Variants in SLC35F3 observed in about 807,000 individuals in gnomAD.
SLC35F3 encodes the protein putative thiamine transporter SLC35F3.
Under a neutral mutation model 49.9 loss-of-function variants are expected in SLC35F3, and 25 were observed. That is an observed-to-expected ratio of 0.50 (90% CI 0.37 to 0.70). The LOEUF (loss-of-function observed/expected upper bound fraction) is 0.70. SLC35F3 is among the 30% of genes least tolerant of loss of function. SLC35F3 has a pLI of 0.00. For synonymous variants in SLC35F3, 275 were observed against 265.4 expected, an observed-to-expected ratio of 1.04 and a Z score of -0.35; for missense variants, 525 against 639.8, an observed-to-expected ratio of 0.82 and a Z score of 1.94.
At chr1:234,244,129 A>G (rs1272828188) in intron 3 of SLC35F3, among the ~76,000 whole-genome samples, 1 of 152,196 alleles carries the variant, frequency 6.6e-6, no homozygotes, top group African/African-American at 2.4e-5. Flanking sequence ...ATCTCTCCCC[A>G]CAAGCTCAGA....
intron 3 of SLC35F3, among the ~76,000 whole-genome samples, chr1:234,258,884 T>A (rs570395258): frequency 6.6e-6 from 1 of 152,288 alleles, no homozygotes; most frequent in African/African-American, 2.4e-5. Flanking sequence ...ATCCAACTAG[T>A]GGAAATAAAA....
chr1:234,110,909 T>C (rs1200515441), intron 2 of SLC35F3, among the ~76,000 whole-genome samples: 1 of 152,200 alleles, frequency 6.6e-6, no homozygotes, highest in Non-Finnish European at 1.5e-5. Flanking sequence ...ATCCACATTA[T>C]GGAATTGTGT....
At chr1:234,147,235 T>G (rs1193707957) in intron 2 of SLC35F3, among the ~76,000 whole-genome samples, 1 of 133,162 alleles carries the variant, frequency 7.5e-6, no homozygotes, top group African/African-American at 3.6e-5. Context: ...ATTTTCTTTT[T>G]TTTTTTTTTT....
chr1:234,290,302 G>A (rs1479761069), intron 3 of SLC35F3, among the ~76,000 whole-genome samples: 1 of 151,962 alleles, frequency 6.6e-6, no homozygotes, highest in Non-Finnish European at 1.5e-5. Context: ...TTGTTTTAAA[G>A]AATAATCACA....
At chr1:234,303,175 T>C (rs1668720163) in intron 3 of SLC35F3, among the ~76,000 whole-genome samples, 2 of 152,218 alleles carry the variant, frequency 1.3e-5, no homozygotes, top group Non-Finnish European at 2.9e-5. Flanking sequence ...AGCACACATA[T>C]ATTGTTCACT....
At chr1:234,222,829 A>C (rs1299067443) in intron 2 of SLC35F3, among the ~76,000 whole-genome samples, 1 of 152,244 alleles carries the variant, frequency 6.6e-6, no homozygotes, top group Non-Finnish European at 1.5e-5. Context: ...AGGAGTATGC[A>C]TATTTGTCTG....
chr1:234,019,783 A>C (rs1488085714), intron 2 of SLC35F3, among the ~76,000 whole-genome samples: 1 of 152,212 alleles, frequency 6.6e-6, no homozygotes, highest in Admixed American at 6.5e-5. Context: ...CAGACTCAAC[A>C]TCTCTGGCGC....
At chr1:233,985,992 G>A (rs182627435) in intron 2 of SLC35F3, among the ~76,000 whole-genome samples, 48 of 152,268 alleles carry the variant, frequency 3.2e-4, no homozygotes, top group African/African-American at 1.1e-3. Flanking sequence ...TGCTTTTACT[G>A]CTTCCTAGCT....
intron 2 of SLC35F3, among the ~76,000 whole-genome samples, chr1:234,028,751 G>A (rs965954751): frequency 6.6e-6 from 1 of 152,186 alleles, no homozygotes; most frequent in Non-Finnish European, 1.5e-5. Context: ...TGTAGAAAGT[G>A]GCATCTCTTC....
intron 2 of SLC35F3, among the ~76,000 whole-genome samples, chr1:234,148,444 C>G (rs1429749774): frequency 6.6e-6 from 1 of 152,202 alleles, no homozygotes; most frequent in Non-Finnish European, 1.5e-5. Flanking sequence ...CATTATGAAA[C>G]CCTGTTCAAC....
chr1:234,099,146 A>G (rs1665176504), intron 2 of SLC35F3, among the ~76,000 whole-genome samples: 1 of 152,102 alleles, frequency 6.6e-6, no homozygotes, highest in South Asian at 2.1e-4. Flanking sequence ...AAAGGCAGAA[A>G]TCATATCATA....
At chr1:233,953,282 T>A (rs1286243889) in intron 2 of SLC35F3, among the ~76,000 whole-genome samples, 1 of 152,144 alleles carries the variant, frequency 6.6e-6, no homozygotes, top group Non-Finnish European at 1.5e-5. Context: ...TTACATTTGA[T>A]AGAGGAAAAA....
At chr1:234,219,943 A>T (rs1252346128) in intron 2 of SLC35F3, among the ~76,000 whole-genome samples, 1 of 152,234 alleles carries the variant, frequency 6.6e-6, no homozygotes, top group Non-Finnish European at 1.5e-5. Flanking sequence ...GAGCTAGGAG[A>T]GGGTGGCGCT....
chr1:234,237,869 G>A (rs1482048013), intron 3 of SLC35F3, among the ~76,000 whole-genome samples: 1 of 151,982 alleles, frequency 6.6e-6, no homozygotes, highest in Non-Finnish European at 1.5e-5. Flanking sequence ...TATTGTTATT[G>A]TATTAAATAA....
chr1:234,117,454 T>C (rs1665503940), intron 2 of SLC35F3, among the ~76,000 whole-genome samples: 1 of 151,990 alleles, frequency 6.6e-6, no homozygotes, highest in Non-Finnish European at 1.5e-5. Flanking sequence ...TAGCTGGGTA[T>C]GGTGGCACAC....
At chr1:234,235,331 T>G (rs1558268956) in intron 3 of SLC35F3, among the ~76,000 whole-genome samples, 1 of 152,224 alleles carries the variant, frequency 6.6e-6, no homozygotes, top group Non-Finnish European at 1.5e-5. Context: ...GAAGCAATAG[T>G]GCCCAGAACT....
intron 2 of SLC35F3, among the ~76,000 whole-genome samples, chr1:233,953,568 C>A (rs1224259178): frequency 6.6e-6 from 1 of 152,222 alleles, no homozygotes; most frequent in Non-Finnish European, 1.5e-5. Flanking sequence ...CGTCATAGCT[C>A]TGTTGGCACA....
At chr1:234,035,289 C>T (rs956335056) in intron 2 of SLC35F3, among the ~76,000 whole-genome samples, 3 of 152,048 alleles carry the variant, frequency 2.0e-5, no homozygotes, top group Non-Finnish European at 4.4e-5. Context: ...AAATAATGAT[C>T]CTAGAGAATT....
chr1:234,288,683 C>T (rs1332238648), intron 3 of SLC35F3, among the ~76,000 whole-genome samples: 1 of 152,222 alleles, frequency 6.6e-6, no homozygotes, highest in African/African-American at 2.4e-5. Flanking sequence ...CCTGCTACCA[C>T]CACAGTTTCA....
Sources: allele counts gnomAD v4.1 joint callset (sites outside exome capture counted in the v4.1 genomes callset), GRCh38; gene constraint gnomAD v4.1.1; transcripts MANE v1.5; gene names NCBI Gene and HGNC (gene_info 2026-07-23, HGNC 2026-07-21).